The following FCHO1 variants were observed in gnomAD, a reference collection of about 807,000 sequenced individuals.
FCHO1 encodes the protein F-BAR domain only protein 1.
In FCHO1, 45 loss-of-function variants were observed where a neutral mutation model predicts 114.4. That is an observed-to-expected ratio of 0.39 (90% CI 0.31 to 0.50). The LOEUF is 0.50. Among genes scored for constraint, FCHO1 ranks in the 20% least tolerant of loss-of-function variants. FCHO1 has a pLI of 0.77. For synonymous variants in FCHO1, 480 were observed against 488.9 expected (o/e 0.98, Z 0.24); for missense variants, 1,042 against 1,209.6 (o/e 0.86, Z 2.06).
Position 17,787,814 on chromosome 19 carries a change from G to C in FCHO1, c.2615G>C (p.Arg872Pro). Reference sequence around the variant, plus strand: ...TTGGAACTGGTGGGCAGCGGTTACCGCATGTCGCTGGTGAAGAGGAGGTTT... The same window carrying C: ...TTGGAACTGGTGGGCAGCGGTTACCCCATGTCGCTGGTGAAGAGGAGGTTT... ...VDLELVGSGY[R>P]MSLVKRRFAT... Residue 872 changes from arginine to proline, a missense_variant, in exon 28 of 29, where the codon CGC (arginine) becomes CCC (proline). Arg to Pro is a moderately radical substitution (Grantham distance 103, BLOSUM62 -2). Coordinates refer to ENST00000596536, the MANE Select transcript of FCHO1 (RefSeq NM_015122.3). The C allele has an allele frequency of 6.2e-7, 1 of 1,613,340 alleles. No individual in the cohort carries two copies. The highest frequency in any genetic ancestry group is 8.5e-7 in the Non-Finnish European group (1 of 1,179,816).
At chr19:17,769,145 C>T (rs2090506860) in intron 7 of FCHO1, among the ~76,000 whole-genome samples, 1 of 151,318 alleles carries the variant, frequency 6.6e-6, no homozygotes, top group Non-Finnish European at 1.5e-5. Flanking sequence ...CATGGTGGTG[C>T]ATGCTTGTAA....
chr19:17,748,862 G>T (rs1272901145), upstream of FCHO1, among the ~76,000 whole-genome samples: 1 of 152,188 alleles, frequency 6.6e-6, no homozygotes, highest in African/African-American at 2.4e-5. Context: ...TTGTCCAATG[G>T]TGATTCACTC....
At chr19:17,774,980 T>A (rs942885334) in intron 13 of FCHO1, 76 bp from the exon 14 acceptor site, 2 of 1,532,476 alleles carry the variant, frequency 1.3e-6, no homozygotes, top group Admixed American at 3.4e-5. Context: ...AGCTTCCATG[T>A]CCAGTGTTGG....
At position 17,776,014 on chromosome 19, in the gene FCHO1, C is replaced by G; in HGVS notation, c.1035C>G (p.Ser345Arg). The G allele has an allele frequency of 6.2e-7, 1 of 1,608,850 alleles. No homozygotes were observed. Among genetic ancestry groups the G allele is most frequent in the Non-Finnish European group, 8.5e-7 (1 of 1,179,942 alleles). Residue 345 changes from serine (S) to arginine (R), a missense_variant, in exon 16 of 29, where the codon AGC becomes AGG. Coordinates refer to ENST00000596536, the MANE Select transcript of FCHO1 (RefSeq NM_015122.3). The surrounding 1 kb of genome is among the most constrained non-coding windows in gnomAD (Gnocchi z 4.4). Reference sequence around the variant, plus strand: ...CCGAGCCCTCCCGTTTCTCGTCCAGCGACTCCGACTTCGACGATGAAGAGC... The same window carrying G: ...CCGAGCCCTCCCGTTTCTCGTCCAGGGACTCCGACTTCGACGATGAAGAGC... The part of the protein sequence containing the change: ...STAEPSRFSS[S>R]DSDFDDEEPR...
Position 17,781,795 on chromosome 19 carries a change from G to A in FCHO1, c.1912G>A (p.Ala638Thr), listed in dbSNP as rs746424375. The change falls in exon 23 of 29, where the codon GCC (alanine) becomes ACC (threonine). Residue 638 changes from alanine to threonine, a missense_variant. Ala to Thr is a moderately conservative substitution (Grantham distance 58). This residue lies in a region of FCHO1 where 455 missense variants were observed against 455.4 expected (regional missense o/e 1.00). Transcript: ENST00000596536. ...CACAGCCTTCACAGAGTATGTCCAC[G>A]CCTACTTCCGTGGCCACAGCCCCAG... is the stretch of plus-strand genomic sequence containing the variant. ...IATAFTEYVH[A>T]YFRGHSPSCL... 8.1e-6 allele frequency: 13 copies of A among 1,606,570 alleles called. No homozygotes were observed. The highest frequency in any genetic ancestry group is 3.3e-4 in the Middle Eastern group (2 of 6,042).
chr19:17,757,169 G>A (rs1235592400), intron 4 of FCHO1, among the ~76,000 whole-genome samples: 1 of 146,424 alleles, frequency 6.8e-6, no homozygotes, highest in Non-Finnish European at 1.5e-5. Context: ...GGGTGATGGA[G>A]TGAGACTCCG....
In FCHO1 at chr19:17,776,328, T is replaced by A. The variant is rs1450211761; in HGVS notation, c.1207+57T>A. ...GATCCTAAGGAAGGGAGGCTATGGG[T>A]TTGGGCTTGAATCATAACTCCGTTT... On this transcript the variant is annotated intron_variant, in intron 17 of 28. Coordinates refer to ENST00000596536, the MANE Select transcript of FCHO1 (RefSeq NM_015122.3). The surrounding 1 kb of genome is among the most constrained non-coding windows in gnomAD (Gnocchi z 4.4). The A allele has an allele frequency of 6.2e-7, 1 of 1,608,192 alleles. No homozygotes were observed. Among genetic ancestry groups the A allele is most frequent in the Non-Finnish European group, 8.5e-7 (1 of 1,174,804 alleles).
intron 20 of FCHO1, among the ~76,000 whole-genome samples, chr19:17,780,352 T>C (rs1325032145): frequency 2.0e-5 from 3 of 151,894 alleles, no homozygotes; most frequent in Non-Finnish European, 2.9e-5. Flanking sequence ...TTAGTAGAGA[T>C]GGGGTTTCAC....
chr19:17,755,162 A>G lies in FCHO1; in HGVS notation c.-3A>G, dbSNP rs1443509102. On this transcript the variant is annotated 5_prime_UTR_variant, in exon 4 of 29. Coordinates refer to ENST00000596536, the MANE Select transcript of FCHO1 (RefSeq NM_015122.3). ...TGCAGGGGTCTCCACAGAGACCATC[A>G]GGATGTCGTATTTTGGGGAGCATTT... is the stretch of plus-strand genomic sequence containing the variant. 1.2e-6 allele frequency: 2 copies of G among 1,612,176 alleles called. No homozygotes were observed. Among genetic ancestry groups the G allele is most frequent in the Non-Finnish European group, 1.7e-6 (2 of 1,179,370 alleles).
At chr19:17,785,016 C>T (rs534828026) in intron 26 of FCHO1, 92 bp downstream of exon 26, 20 of 1,295,860 alleles carry the variant, frequency 1.5e-5, no homozygotes, top group African/African-American at 4.4e-5. Context: ...GGTGCACCCT[C>T]GGCCTGACCG....
intron 4 of FCHO1, among the ~76,000 whole-genome samples, chr19:17,761,664 T>G (rs1024879223): frequency 2.2e-5 from 3 of 135,674 alleles, no homozygotes; most frequent in African/African-American, 5.5e-5. Flanking sequence ...ACACACACAC[T>G]TCCCCCCCGC....
At chr19:17,772,003 G>T (rs181634603) in intron 9 of FCHO1, among the ~76,000 whole-genome samples, 1 of 152,194 alleles carries the variant, frequency 6.6e-6, no homozygotes, top group East Asian at 1.9e-4. Context: ...AGTAGAAACG[G>T]TTTCACCATG....
At chr19:17,763,738 T>G (rs1053310000) in intron 5 of FCHO1, among the ~76,000 whole-genome samples, 1 of 151,484 alleles carries the variant, frequency 6.6e-6, no homozygotes, top group Non-Finnish European at 1.5e-5. Flanking sequence ...AAAAAAAATT[T>G]TTTTTGTAGA....
chr19:17,776,407 A>G lies in FCHO1; in HGVS notation c.1207+136A>G. 1 of 1,214,634 alleles carries G rather than the reference A, an allele frequency of 8.2e-7. No homozygotes were observed. The highest frequency in any genetic ancestry group is 1.2e-6 in the Non-Finnish European group (1 of 818,462). 75.2% of individuals were successfully genotyped at this position (1,214,634 alleles called of 1,614,324 possible). A position where few individuals can be genotyped will look rare whatever the true frequency, so the allele number is the denominator to read the frequency against. On this transcript the variant is annotated intron_variant, in intron 17 of 28. Coordinates refer to ENST00000596536, the MANE Select transcript of FCHO1 (RefSeq NM_015122.3). The surrounding 1 kb of genome is among the most constrained non-coding windows in gnomAD (Gnocchi z 4.4). Reference sequence around the variant, plus strand: ...ACTGACCTTCAGTCTCCTTTTCTGTAAAATGAGGTCATTATGAAATTAAGT... The same window carrying G: ...ACTGACCTTCAGTCTCCTTTTCTGTGAAATGAGGTCATTATGAAATTAAGT...
chr19:17,770,735 G>A lies in FCHO1; in HGVS notation c.490-57G>A, dbSNP rs956388123. The A allele has an allele frequency of 3.8e-6, 6 of 1,588,664 alleles. No individual in the cohort carries two copies. In the East Asian group the frequency reaches 8.9e-5, roughly 24 times the overall value. On this transcript the variant is annotated intron_variant, in intron 8 of 28. Coordinates refer to ENST00000596536, the MANE Select transcript of FCHO1 (RefSeq NM_015122.3). ...GTTCACCTGCCAGGTGATGGGGCCT[G>A]GGGGAGGCCCCCTGAGTATCGCCCT...
At chr19:17,773,439 T>A (rs1173844614) in intron 11 of FCHO1, among the ~76,000 whole-genome samples, 1 of 152,206 alleles carries the variant, frequency 6.6e-6, no homozygotes, top group African/African-American at 2.4e-5. Context: ...TCTTTCTCCC[T>A]CCTGTCGCTC....
chr19:17,787,633 C>G, intron 27 of FCHO1, 49 bp from the exon 28 acceptor site: 1 of 1,510,532 alleles, frequency 6.6e-7, no homozygotes, highest in Non-Finnish European at 8.9e-7. Context: ...TGGTTCACAG[C>G]TGGGACGGGG....
rs2147018146 is a variant in FCHO1, at chr19:17,772,563, G to A, written c.693+8G>A. The A allele has an allele frequency of 6.2e-7, 1 of 1,614,062 alleles. No individual in the cohort carries two copies. Among genetic ancestry groups the A allele is most frequent in the Middle Eastern group, 1.6e-4 (1 of 6,062 alleles). ...CACGTGCAGATTGGGCAGGTGAGTT[G>A]GGCAGGTGTGAGGAATGAGGCTGGG... On this transcript the variant is annotated splice_region_variant and intron_variant, in intron 10 of 28. Coordinates refer to ENST00000596536, the MANE Select transcript of FCHO1 (RefSeq NM_015122.3).
In FCHO1 at chr19:17,775,479, A is replaced by G; in HGVS notation, c.969A>G (p.Glu323=). 6.2e-7 allele frequency: 1 copy of G among 1,613,970 alleles called. No individual in the cohort carries two copies. Among genetic ancestry groups the G allele is most frequent in the Non-Finnish European group, 8.5e-7 (1 of 1,179,962 alleles). ...DSGTCPEVDE[E]GFTVRPDVTQ... is the part of the protein sequence containing the mutation. ...AGACATGTCCAGAGGTGGATGAAGA[A>G]GGTTTCACTGTCCGGCCTGATGTGA... Residue 323 remains glutamate, a synonymous_variant, in exon 15 of 29, where the codon GAA becomes GAG. Coordinates refer to ENST00000596536, the MANE Select transcript of FCHO1 (RefSeq NM_015122.3). The surrounding 1 kb of genome is among the most constrained non-coding windows in gnomAD (Gnocchi z 5.1).
Sources: allele counts gnomAD v4.1 joint callset (sites outside exome capture counted in the v4.1 genomes callset), GRCh38; gene constraint gnomAD v4.1.1; regional missense constraint gnomAD v4.1.1; non-coding constraint Gnocchi (gnomAD v3.1); transcripts MANE v1.5; gene names NCBI Gene and HGNC (gene_info 2026-07-23, HGNC 2026-07-21).